CASR: variants seen among roughly 807,000 people sequenced by gnomAD.
CASR encodes extracellular calcium-sensing receptor.
In CASR, 23 loss-of-function variants were observed where a neutral mutation model predicts 69.1. That is an observed-to-expected ratio of 0.33 (90% CI 0.24 to 0.47). The LOEUF is 0.47. Among genes scored for constraint, CASR ranks in the 20% least tolerant of loss-of-function variants. CASR has a pLI of 1.00. For synonymous variants in CASR, 541 were observed against 544.7 expected, an observed-to-expected ratio of 0.99 and a Z score of 0.10; for missense variants, 924 against 1,356.1, an observed-to-expected ratio of 0.68 and a Z score of 5.00.
chr3:122,255,607 A>G (rs2074546600), intron 2 of CASR, among the ~76,000 whole-genome samples: 1 of 152,246 alleles, frequency 6.6e-6, no homozygotes, highest in Admixed American at 6.5e-5. Flanking sequence ...AGATCAAGCA[A>G]GAGGCTTGCC....
intron 4 of CASR, among the ~76,000 whole-genome samples, chr3:122,267,768 C>A (rs2074710829): frequency 6.6e-6 from 1 of 152,010 alleles, no homozygotes; most frequent in Non-Finnish European, 1.5e-5. Context: ...ATAAATTATA[C>A]CTCAAAAAAG....
chr3:122,215,345 A>G (rs1483919536), intron 1 of CASR, among the ~76,000 whole-genome samples: 1 of 152,224 alleles, frequency 6.6e-6, no homozygotes, highest in East Asian at 1.9e-4. Flanking sequence ...AGAGATTCTT[A>G]GGGAGTTGAG....
chr3:122,262,421 T>C lies in CASR; in HGVS notation c.1377+9T>C, dbSNP rs1227166978. The C allele has an allele frequency of 6.2e-7, 1 of 1,608,834 alleles. No homozygotes were observed. Among genetic ancestry groups the C allele is most frequent in the Admixed American group, 1.7e-5 (1 of 60,026 alleles). ...AAGTTGAGGCGTGGCAGGTGCGTCCTTCACTTATATAGCAATTTGCTGTAT... is the reference window on the plus strand; with the variant it reads ...AAGTTGAGGCGTGGCAGGTGCGTCCCTCACTTATATAGCAATTTGCTGTAT... On this transcript the variant is annotated intron_variant, in intron 4 of 6. Coordinates refer to ENST00000639785, the MANE Select transcript of CASR (RefSeq NM_000388.4).
At position 122,290,885 on chromosome 3, in the gene CASR, C is replaced by G. The variant is rs2075007192; in HGVS notation, c.*5694C>G. On this transcript the variant is annotated 3_prime_UTR_variant, in exon 7 of 7. Coordinates refer to ENST00000639785, the MANE Select transcript of CASR (RefSeq NM_000388.4). ...CTAATGCTATCCCTCCCCCCTCCCC[C>G]CACCCCACAATAGGCCCTGGTGTGT... 1 of 120,892 alleles carries G rather than the reference C, an allele frequency of 8.3e-6. No homozygotes were observed. The highest frequency in any genetic ancestry group is 9.4e-5 in the Admixed American group (1 of 10,620). 7.5% of individuals were successfully genotyped at this position (120,892 alleles called of 1,614,324 possible).
rs200898964 is a variant in CASR, at chr3:122,286,164, G to A, written c.*973G>A. On this transcript the variant is annotated 3_prime_UTR_variant, in exon 7 of 7. Coordinates refer to ENST00000639785, the MANE Select transcript of CASR (RefSeq NM_000388.4). ...TATTGGCCTGCTAATAGCTGCTAGGGTAGGAAAGCGTGGTTCCAAGAAAGA... is the reference window on the plus strand; with the variant it reads ...TATTGGCCTGCTAATAGCTGCTAGGATAGGAAAGCGTGGTTCCAAGAAAGA... The A allele has an allele frequency of 6.6e-6, 1 of 152,382 alleles. No homozygotes were observed. Among genetic ancestry groups the A allele is most frequent in the African/African-American group, 2.4e-5 (1 of 41,418 alleles). 9.4% of individuals were successfully genotyped at this position (152,382 alleles called of 1,614,324 possible).
chr3:122,197,260 G>A (rs2073900008), intron 1 of CASR, among the ~76,000 whole-genome samples: 1 of 152,178 alleles, frequency 6.6e-6, no homozygotes, highest in Admixed American at 6.5e-5. Flanking sequence ...CTGGTGCTGT[G>A]TGTCCTTGTG....
intron 1 of CASR, among the ~76,000 whole-genome samples, chr3:122,201,865 G>T (rs1453432763): frequency 2.6e-5 from 4 of 151,822 alleles, no homozygotes; most frequent in African/African-American, 9.7e-5. Context: ...TGGGATGGCG[G>T]CCGGGAAGAG....
chr3:122,264,981 C>A (rs2074674023), intron 4 of CASR, among the ~76,000 whole-genome samples: 3 of 152,316 alleles, frequency 2.0e-5, no homozygotes, highest in African/African-American at 7.2e-5. Context: ...ACCTGCATGA[C>A]ACCTCCTCAC....
intron 1 of CASR, among the ~76,000 whole-genome samples, chr3:122,196,121 A>G (rs1029964491): frequency 3.3e-5 from 5 of 152,220 alleles, no homozygotes; most frequent in Non-Finnish European, 7.3e-5. Context: ...TACATAATCA[A>G]TGAAATACCA....
Position 122,284,950 on chromosome 3 carries a change from A to G in CASR, c.2996A>G (p.Glu999Gly), listed in dbSNP as rs201052958. 6.2e-7 allele frequency: 1 copy of G among 1,614,060 alleles called. No individual in the cohort carries two copies. Among genetic ancestry groups the G allele is most frequent in the East Asian group, 2.2e-5 (1 of 44,896 alleles). The change falls in exon 7 of 7, where the codon GAG becomes GGG. Residue 999 changes from glutamate (E) to glycine (G), a missense_variant. This residue lies in a region of CASR where 201 missense variants were observed against 228.8 expected (regional missense o/e 0.88). Transcript: ENST00000639785. ...HRNSTHQNSL[E>G]AQKSSDTLTR... The stretch of plus-strand genomic sequence containing the variant: ...AATTCTACGCACCAGAACTCCCTGG[A>G]GGCCCAGAAAAGCAGCGATACGCTG...
rs537604680 is a variant in CASR at position 122,284,621 on chromosome 3, G to C, written c.2667G>C (p.Leu889=). The C allele has an allele frequency of 6.2e-7, 1 of 1,614,074 alleles. No individual in the cohort carries two copies. Among genetic ancestry groups the C allele is most frequent in the East Asian group, 2.2e-5 (1 of 44,878 alleles). ...TCAAGGTGGCTGCCCGGGCCACGCT[G>C]CGCCGCAGCAACGTCTCCCGCAAGC... ...HAFKVAARAT[L]RRSNVSRKRS... Residue 889 remains leucine, a synonymous_variant, in exon 7 of 7, where the codon CTG becomes CTC. Transcript: ENST00000639785.
At chr3:122,265,375 T>C (rs2074680936) in intron 4 of CASR, among the ~76,000 whole-genome samples, 1 of 152,100 alleles carries the variant, frequency 6.6e-6, no homozygotes, top group Non-Finnish European at 1.5e-5. Flanking sequence ...AGCATACAAC[T>C]CACAATTGCC....
rs1266219147 is a variant in CASR at position 122,291,488 on chromosome 3, G to C, written c.*6297G>C. On this transcript the variant is annotated 3_prime_UTR_variant, in exon 7 of 7. Coordinates refer to ENST00000639785, the MANE Select transcript of CASR (RefSeq NM_000388.4). ...CATTTCTCTGATGGCCAGTGATGAT[G>C]AGCATTATAAATGAAGATTGCTTGG... 6.6e-6 allele frequency: 1 copy of C among 152,186 alleles called. No homozygotes were observed. Among genetic ancestry groups the C allele is most frequent in the East Asian group, 1.9e-4 (1 of 5,200 alleles). 9.4% of individuals were successfully genotyped at this position (152,186 alleles called of 1,614,324 possible).
chr3:122,199,360 G>A (rs1392507133), intron 1 of CASR, among the ~76,000 whole-genome samples: 1 of 152,164 alleles, frequency 6.6e-6, no homozygotes, highest in Non-Finnish European at 1.5e-5. Context: ...TCCTAAGGTA[G>A]CTTCTTCAAC....
chr3:122,272,663 A>G (rs1576867720), intron 4 of CASR, among the ~76,000 whole-genome samples: 1 of 152,344 alleles, frequency 6.6e-6, no homozygotes. Flanking sequence ...CGTGCATTTT[A>G]TCCCCTAATC....
At chr3:122,231,046 G>A (rs912316253) in intron 1 of CASR, among the ~76,000 whole-genome samples, 2 of 152,150 alleles carry the variant, frequency 1.3e-5, no homozygotes, top group Non-Finnish European at 2.9e-5. Flanking sequence ...AATTTTTGCA[G>A]CTTTTTGAGG....
chr3:122,201,620 G>T (rs891249235), intron 1 of CASR, among the ~76,000 whole-genome samples: 4 of 140,514 alleles, frequency 2.8e-5, no homozygotes, highest in Admixed American at 2.7e-4. Context: ...GCGGCTGGCC[G>T]GGCGGGGGCG....
intron 3 of CASR, 27 bp from the exon 4 acceptor site, chr3:122,261,501 A>G: frequency 6.2e-7 from 1 of 1,611,916 alleles, no homozygotes; most frequent in South Asian, 1.1e-5. Flanking sequence ...TCACTCACTC[A>G]TTCACCATGT....
intron 1 of CASR, among the ~76,000 whole-genome samples, chr3:122,239,532 A>C (rs2074360812): frequency 6.6e-6 from 1 of 152,238 alleles, no homozygotes; most frequent in East Asian, 1.9e-4. Flanking sequence ...TGGCTTCTTC[A>C]CTGCTGATGG....
Sources: gnomAD v4.1 joint callset for allele counts (sites outside exome capture counted in the v4.1 genomes callset) on GRCh38, gnomAD v4.1.1 for gene constraint, gnomAD v4.1.1 regional missense constraint, MANE v1.5 for transcripts, NCBI Gene and HGNC (gene_info 2026-07-23, HGNC 2026-07-21) for gene names.